The following DPP3 variants were observed in gnomAD, a reference collection of about 807,000 sequenced individuals.
DPP3 encodes dipeptidyl peptidase 3, also known as DPP III.
DPP3 carries 64 observed loss-of-function variants against 89.8 expected under a neutral mutation model. The observed-to-expected ratio is 0.71, with a 90% CI of 0.58 to 0.88. DPP3 has a LOEUF of 0.88. DPP3 is among the 40% of genes least tolerant of loss of function. The probability of loss-of-function intolerance (pLI) is 0.00; values close to 1 mark genes in which losing one functional copy is unlikely to be tolerated. For missense variants in DPP3, 835 were observed against 972.5 expected, an observed-to-expected ratio of 0.86 and a Z score of 1.88; for synonymous variants, 377 against 404.3, an observed-to-expected ratio of 0.93 and a Z score of 0.81.
chr11:66,480,472 C>G lies in DPP3; in HGVS notation c.-9+7C>G. 2.7e-6 allele frequency: 4 copies of G among 1,488,062 alleles called. No homozygotes were observed. Among genetic ancestry groups the G allele is most frequent in the Non-Finnish European group, 2.7e-6 (3 of 1,126,254 alleles). The allele number at this position is 1,488,062 out of a possible 1,614,324, so 92.2% of individuals were successfully genotyped here. Reference sequence around the variant, plus strand: ...AACGGAGCAGCTGCTGCAGGTGAGGCGCGGCGCCTGGGCTTTTGGGGTCAA... The same window carrying G: ...AACGGAGCAGCTGCTGCAGGTGAGGGGCGGCGCCTGGGCTTTTGGGGTCAA... On this transcript the variant is annotated splice_region_variant and intron_variant, in intron 1 of 17. Transcript: ENST00000531863.
intron 3 of DPP3, among the ~76,000 whole-genome samples, chr11:66,485,914 TTTC>T (rs769624248): frequency 8.5e-5 from 2 of 23,486 alleles, no homozygotes; most frequent in South Asian, 6.3e-4. Flanking sequence ...CCAGCTAAAT[TTTC>T]TTTTCTTTTC....
intron 16 of DPP3, among the ~76,000 whole-genome samples, chr11:66,502,775 A>G (rs914809856): frequency 6.7e-6 from 1 of 150,156 alleles, no homozygotes; most frequent in Non-Finnish European, 1.5e-5. Flanking sequence ...AATTTTTTGT[A>G]TTTTTAGTAG....
At chr11:66,493,452 T>C in intron 11 of DPP3, 89 bp from the exon 12 acceptor site, 1 of 1,353,392 alleles carries the variant, frequency 7.4e-7, no homozygotes, top group Non-Finnish European at 1.0e-6. Context: ...TGCACTGAGA[T>C]GGGTCCATGG....
intron 16 of DPP3, among the ~76,000 whole-genome samples, chr11:66,504,018 T>C (rs1855742666): frequency 6.6e-6 from 1 of 152,212 alleles, no homozygotes; most frequent in Admixed American, 6.5e-5. Context: ...TTGTTGAAGA[T>C]ACCTTATTTG....
At position 66,480,470 on chromosome 11, in the gene DPP3, G is replaced by A; in HGVS notation, c.-9+5G>A. The A allele has an allele frequency of 2.0e-6, 3 of 1,489,670 alleles. No individual in the cohort carries two copies. Among genetic ancestry groups the A allele is most frequent in the Non-Finnish European group, 2.7e-6 (3 of 1,127,034 alleles). The allele number at this position is 1,489,670 out of a possible 1,614,324, so 92.3% of individuals were successfully genotyped here. ...CGAACGGAGCAGCTGCTGCAGGTGA[G>A]GCGCGGCGCCTGGGCTTTTGGGGTC... On this transcript the variant is annotated splice_donor_5th_base_variant and intron_variant, in intron 1 of 17. Transcript: ENST00000531863.
chr11:66,490,145 TAAAAAAAAAAAAAAA>T (rs201526861), intron 6 of DPP3, among the ~76,000 whole-genome samples: 33 of 94,820 alleles, frequency 3.5e-4, no homozygotes, highest in Middle Eastern at 4.5e-3. Context: ...AGATCCTATC[TAAAAAAAAAAAAAAA>T]AAAAAAAAAA....
At chr11:66,501,186 C>CAA (rs777381952) in intron 16 of DPP3, among the ~76,000 whole-genome samples, 10 of 116,878 alleles carry the variant, frequency 8.6e-5, no homozygotes, top group Non-Finnish European at 9.1e-5. Context: ...GACTCTGTCT[C>CAA]AAAAAAAAAA....
At chr11:66,506,817 A>G (rs1186662473) in intron 17 of DPP3, among the ~76,000 whole-genome samples, 2 of 151,690 alleles carry the variant, frequency 1.3e-5, no homozygotes, top group African/African-American at 4.8e-5. Context: ...CTCCTTGTAA[A>G]ACGGCACCCT....
At chr11:66,500,526 C>T (rs961032077) in intron 16 of DPP3, among the ~76,000 whole-genome samples, 1 of 152,188 alleles carries the variant, frequency 6.6e-6, no homozygotes, top group Non-Finnish European at 1.5e-5. Context: ...GCATAAGTTA[C>T]AATTGATACC....
Position 66,509,627 on chromosome 11 carries a change from CCAGA to C in DPP3, c.*379_*382del, listed in dbSNP as rs1207997243. 3 of 563,122 alleles carry C rather than the reference CCAGA, an allele frequency of 5.3e-6. No individual in the cohort carries two copies. Among genetic ancestry groups the C allele is most frequent in the Non-Finnish European group, 9.8e-6 (3 of 307,624 alleles). 34.9% of individuals were successfully genotyped at this position (563,122 alleles called of 1,614,324 possible). A position where few individuals can be genotyped will look rare whatever the true frequency, so the allele number is the denominator to read the frequency against. On this transcript the variant is annotated 3_prime_UTR_variant, in exon 18 of 18. Transcript: ENST00000531863. ...TGCTCCTCACATATTAATTTTATAA[CCAGA>C]CAAATAAATATTAGAGACAACCACC... is the stretch of plus-strand genomic sequence containing the variant.
At chr11:66,503,209 C>T (rs537927223) in intron 16 of DPP3, among the ~76,000 whole-genome samples, 14 of 152,014 alleles carry the variant, frequency 9.2e-5, no homozygotes, top group South Asian at 8.3e-4. Context: ...TCAGGTGATC[C>T]GCCTGCCTCG....
chr11:66,491,879 C>G, intron 9 of DPP3, 123 bp downstream of exon 9: 1 of 1,092,578 alleles, frequency 9.2e-7, no homozygotes, highest in South Asian at 1.3e-5. Flanking sequence ...TAAGAACAGC[C>G]ATGGTAAATA....
chr11:66,505,304 C>T (rs898335781), intron 17 of DPP3, among the ~76,000 whole-genome samples: 1 of 152,204 alleles, frequency 6.6e-6, no homozygotes, highest in Admixed American at 6.5e-5. Flanking sequence ...GTTCCAGCCC[C>T]TTACTGCCTT....
chr11:66,497,624 C>T, intron 16 of DPP3, 147 bp downstream of exon 16: 1 of 1,190,480 alleles, frequency 8.4e-7, no homozygotes, highest in Non-Finnish European at 1.1e-6. Context: ...CACCGGGTGC[C>T]TCACGCCTGT....
At position 66,495,484 on chromosome 11, in the gene DPP3, G is replaced by T. The variant is rs761114783; in HGVS notation, c.1572G>T (p.Val524=). ...VGLYLCLHPQ[V]LEIFGFEGAD... Reference sequence around the variant, plus strand: ...TCTACCTCTGTCTCCACCCGCAAGTGCTGGAGTAAGAGCAGCAGGGCCGAG... The same window carrying T: ...TCTACCTCTGTCTCCACCCGCAAGTTCTGGAGTAAGAGCAGCAGGGCCGAG... The change falls in exon 14 of 18, where the codon GTG becomes GTT. Residue 524 remains valine (V), a synonymous_variant. Coordinates refer to ENST00000531863, the MANE Select transcript of DPP3 (RefSeq NM_130443.4). 5 of 1,611,488 alleles carry T rather than the reference G, an allele frequency of 3.1e-6. No homozygotes were observed. The South Asian group carries it at 4.4e-5, about 14-fold the overall frequency.
chr11:66,487,799 G>T, intron 5 of DPP3, 115 bp from the exon 6 acceptor site: 1 of 910,602 alleles, frequency 1.1e-6, no homozygotes, highest in Admixed American at 2.6e-5. Context: ...CAACCCAGAA[G>T]GCCCAGCCTG....
chr11:66,503,480 T>C (rs779489669), intron 16 of DPP3, among the ~76,000 whole-genome samples: 16 of 152,214 alleles, frequency 1.1e-4, no homozygotes, highest in South Asian at 2.1e-4. Flanking sequence ...TTTAGTAACT[T>C]GTCCAAGGTT....
intron 16 of DPP3, among the ~76,000 whole-genome samples, chr11:66,502,579 C>T (rs1381868753): frequency 6.6e-6 from 1 of 152,110 alleles, no homozygotes; most frequent in Non-Finnish European, 1.5e-5. Context: ...ATGCCATTCT[C>T]GTGCCTCAGC....
Position 66,509,626 on chromosome 11 carries a change from A to G in DPP3, c.*375A>G. On this transcript the variant is annotated 3_prime_UTR_variant, in exon 18 of 18. Transcript: ENST00000531863. Reference sequence around the variant, plus strand: ...ATGCTCCTCACATATTAATTTTATAACCAGACAAATAAATATTAGAGACAA... The same window carrying G: ...ATGCTCCTCACATATTAATTTTATAGCCAGACAAATAAATATTAGAGACAA... 2 of 563,020 alleles carry G rather than the reference A, an allele frequency of 3.6e-6. No individual in the cohort carries two copies. The highest frequency in any genetic ancestry group is 6.5e-6 in the Non-Finnish European group (2 of 307,208). 34.9% of individuals were successfully genotyped at this position (563,020 alleles called of 1,614,324 possible). A position where few individuals can be genotyped will look rare whatever the true frequency, so the allele number is the denominator to read the frequency against.
Sources: gnomAD v4.1 joint callset for allele counts (sites outside exome capture counted in the v4.1 genomes callset) on GRCh38, gnomAD v4.1.1 for gene constraint, MANE v1.5 for transcripts, NCBI Gene and HGNC (gene_info 2026-07-23, HGNC 2026-07-21) for gene names.